Variants in CACNA1H observed in about 807,000 individuals in gnomAD.
CACNA1H encodes calcium voltage-gated channel subunit alpha1 H.
CACNA1H carries 149 observed loss-of-function variants against 192.5 expected under a neutral mutation model. The observed-to-expected ratio is 0.77, with a 90% CI of 0.68 to 0.89. The LOEUF (loss-of-function observed/expected upper bound fraction) is 0.89, where lower values mean the gene tolerates loss of function less well. Ranked by LOEUF, CACNA1H falls within the 40% of genes least tolerant of loss-of-function variation. The pLI is 0.00. For missense variants in CACNA1H, 4,257 were observed against 3,423.5 expected (o/e 1.24, Z -6.08); for synonymous variants, 2,202 against 1,475.2 (o/e 1.49, Z -11.29).
chr16:1,208,325 C>T (rs896730830), intron 16 of CACNA1H, 104 bp downstream of exon 16: 11 of 769,990 alleles, frequency 1.4e-5, no homozygotes, highest in Non-Finnish European at 2.4e-5. Flanking sequence ...CCCCCCACAC[C>T]CTTGAAGTCC....
At position 1,210,444 on chromosome 16, in the gene CACNA1H, A is replaced by G. The variant is rs767633946; in HGVS notation, c.3920A>G (p.Asn1307Ser). 4.3e-6 allele frequency: 7 copies of G among 1,610,914 alleles called. No homozygotes were observed. The South Asian group carries it at 4.4e-5, about 10-fold the overall frequency. ...DHVVLVFIFL[N>S]CVTIALERPD... ...GTGGTCCTCGTCTTCATCTTCCTCA[A>G]CTGCGTCACCATCGCCCTGGAGAGG... Residue 1307 changes from asparagine (N) to serine (S), a missense_variant, in exon 19 of 35, where the codon AAC (asparagine) becomes AGC (serine). Asn to Ser is a conservative substitution (Grantham distance 46, BLOSUM62 1). Transcript: ENST00000348261.
At chr16:1,166,471 TGA>T (rs1239183865) in intron 2 of CACNA1H, among the ~76,000 whole-genome samples, 1 of 152,134 alleles carries the variant, frequency 6.6e-6, no homozygotes, top group Admixed American at 6.5e-5. Context: ...CCAGTTTTAT[TGA>T]GAGGTAATTT....
chr16:1,214,798 A>G (rs768956785), intron 27 of CACNA1H, among the ~76,000 whole-genome samples, 174 bp from the exon 28 acceptor site: 1 of 152,110 alleles, frequency 6.6e-6, no homozygotes, highest in Non-Finnish European at 1.5e-5. Flanking sequence ...CACTTCCTGT[A>G]TGCTGGGCTG....
chr16:1,155,966 T>A (rs1962314264), intron 2 of CACNA1H, among the ~76,000 whole-genome samples: 1 of 151,904 alleles, frequency 6.6e-6, no homozygotes, highest in Non-Finnish European at 1.5e-5. Flanking sequence ...CGAGAGGGAC[T>A]TGGGTGCTGT....
intron 31 of CACNA1H, 62 bp downstream of exon 31, chr16:1,217,072 C>T (rs988960424): frequency 1.7e-5 from 23 of 1,368,180 alleles, no homozygotes; most frequent in Non-Finnish European, 2.1e-5. Flanking sequence ...CCCCTGTGCC[C>T]ATCCACTCAC....
Position 1,220,652 on chromosome 16 carries a change from C to G in CACNA1H, c.6720C>G (p.Ala2240=), listed in dbSNP as rs375725132. ...TGGAGCCCACAGAGGGCTCAGGCGCCGGGGGGGACCCTGCAGCCAAGGGGG... is the reference window on the plus strand; with the variant it reads ...TGGAGCCCACAGAGGGCTCAGGCGCGGGGGGGGACCCTGCAGCCAAGGGGG... ...DSLEPTEGSG[A]GGDPAAKGER... Residue 2240 remains alanine, a synonymous_variant, in exon 35 of 35, where the codon GCC becomes GCG. Coordinates refer to ENST00000348261, the MANE Select transcript of CACNA1H (RefSeq NM_021098.3). The G allele has an allele frequency of 6.7e-5, 107 of 1,603,948 alleles. 1 individual carries two copies. The highest frequency in any genetic ancestry group is 1.9e-4 in the Admixed American group (11 of 58,704).
At position 1,189,397 on chromosome 16, in the gene CACNA1H, C is replaced by CTTTTTTTT. The variant is rs3990780; in HGVS notation, c.300-5545_300-5538dup. On this transcript the variant is annotated intron_variant, in intron 2 of 34. Coordinates refer to ENST00000348261, the MANE Select transcript of CACNA1H (RefSeq NM_021098.3). ...CCTGGCAGGTGCCCTGAAGAGTGTC[C>CTTTTTTTT]TTTTTTTTTTTTTTTTTTTTTTTTT... 3.6e-4 allele frequency among the ~76,000 whole-genome samples: 16 copies of CTTTTTTTT among 45,032 alleles called. 6 individuals carry two copies. The highest frequency in any genetic ancestry group is 6.2e-4 in the East Asian group (1 of 1,618). The allele number at this position is 45,032 out of a possible 152,430, so 29.5% of individuals were successfully genotyped here. A position where few individuals can be genotyped will look rare whatever the true frequency, so the allele number is the denominator to read the frequency against.
chr16:1,205,405 C>T (rs1213032652), intron 11 of CACNA1H, 140 bp downstream of exon 11: 2 of 946,436 alleles, frequency 2.1e-6, no homozygotes, highest in Middle Eastern at 2.3e-4. Flanking sequence ...GAAGCAGGTG[C>T]TTGGTGACCC....
At chr16:1,207,673 A>G in intron 14 of CACNA1H, 97 bp from the exon 15 acceptor site, 1 of 1,163,690 alleles carries the variant, frequency 8.6e-7, no homozygotes, top group Non-Finnish European at 1.2e-6. Context: ...CCTTCTGTCC[A>G]CACCCCACCT....
chr16:1,207,455 C>G, intron 14 of CACNA1H, 25 bp downstream of exon 14: 1 of 1,607,856 alleles, frequency 6.2e-7, no homozygotes, highest in Non-Finnish European at 8.5e-7. Context: ...AGAGGGGCTG[C>G]CAGGAGGAGG....
In CACNA1H at chr16:1,197,633, G is replaced by A. The variant is rs139036144; in HGVS notation, c.644-982G>A. 7.9e-4 allele frequency among the ~76,000 whole-genome samples: 120 copies of A among 152,278 alleles called. 1 individual carries two copies. Among genetic ancestry groups the A allele is most frequent in the African/African-American group, 2.6e-3 (110 of 41,550 alleles). The stretch of plus-strand genomic sequence containing the variant: ...CATCTGTGATCTTTGAGGCGGTTGC[G>A]GTCTGGCCAGGGCAGTGCTCACTGA... On this transcript the variant is annotated intron_variant, in intron 5 of 34. Coordinates refer to ENST00000348261, the MANE Select transcript of CACNA1H (RefSeq NM_021098.3).
At chr16:1,212,415 A>G in intron 25 of CACNA1H, 96 bp from the exon 26 acceptor site, 1 of 1,309,952 alleles carries the variant, frequency 7.6e-7, no homozygotes, top group East Asian at 2.5e-5. Context: ...GAGCCAGCAC[A>G]GCCCCCGAGA....
rs1387553815 is a variant in CACNA1H at position 1,184,587 on chromosome 16, C to G, written c.300-10385C>G. 2.6e-5 allele frequency among the ~76,000 whole-genome samples: 4 copies of G among 152,366 alleles called. No homozygotes were observed. The South Asian group carries it at 6.2e-4, about 24-fold the overall frequency. ...CTGCCCTCTCGTAGGCATCCAGGCC[C>G]CCTGGTGGAAGGCAGGTCTCAAGGG... On this transcript the variant is annotated intron_variant, in intron 2 of 34. Coordinates refer to ENST00000348261, the MANE Select transcript of CACNA1H (RefSeq NM_021098.3).
intron 2 of CACNA1H, 139 bp downstream of exon 2, chr16:1,154,175 A>G (rs1961972797): frequency 1.8e-6 from 1 of 540,564 alleles, no homozygotes; most frequent in Non-Finnish European, 2.7e-6. Flanking sequence ...GCGGGGGTGC[A>G]GGGCAGGGGC....
intron 2 of CACNA1H, among the ~76,000 whole-genome samples, chr16:1,156,420 A>G (rs1318656291): frequency 1.3e-5 from 2 of 152,204 alleles, no homozygotes; most frequent in Non-Finnish European, 2.9e-5. Flanking sequence ...ATAAGCTGGC[A>G]GGCCTGGACA....
chr16:1,191,166 T>C (rs867987003), intron 2 of CACNA1H, among the ~76,000 whole-genome samples: 23 of 93,946 alleles, frequency 2.4e-4, no homozygotes, highest in Middle Eastern at 8.3e-3. Context: ...GGCCTGGCTG[T>C]GTGGCCTCAG....
Position 1,153,494 on chromosome 16 carries a change from C to T in CACNA1H, c.-19+24C>T, listed in dbSNP as rs954844892. 13 of 252,460 alleles carry T rather than the reference C, an allele frequency of 5.1e-5. No homozygotes were observed. In the Admixed American group the frequency reaches 5.6e-4, roughly 11 times the overall value. The allele number at this position is 252,460 out of a possible 1,614,324, so 15.6% of individuals were successfully genotyped here. On this transcript the variant is annotated intron_variant, in intron 1 of 34. Transcript: ENST00000348261. The stretch of plus-strand genomic sequence containing the variant: ...AGGTGAGACGCGGCGAGGACGCGCG[C>T]CCGGGACCCTCTTCAACTTGCGCGA...
chr16:1,212,347 C>G (rs1969553608), intron 25 of CACNA1H, among the ~76,000 whole-genome samples, 164 bp from the exon 26 acceptor site: 1 of 152,120 alleles, frequency 6.6e-6, no homozygotes, highest in Non-Finnish European at 1.5e-5. Flanking sequence ...GGAGACACCC[C>G]CAACCCCATC....
At chr16:1,210,333 G>GCCCCCCCCCCCCCCCC in intron 18 of CACNA1H, 37 bp from the exon 19 acceptor site, 1 of 1,320,232 alleles carries the variant, frequency 7.6e-7, no homozygotes. Context: ...CATCCACGCC[G>GCCCCCCCCCCCCCCCC]CCCCGCCCCA....
Sources: gnomAD v4.1 joint callset for allele counts (sites outside exome capture counted in the v4.1 genomes callset) on GRCh38, gnomAD v4.1.1 for gene constraint, MANE v1.5 for transcripts, NCBI Gene and HGNC (gene_info 2026-07-23, HGNC 2026-07-21) for gene names.